ZNF469: variants seen among roughly 807,000 people sequenced by gnomAD.
ZNF469 encodes the protein zinc finger protein 469.
ZNF469 carries 1 observed loss-of-function variant against 1.0 expected under a neutral mutation model. The ratio of observed to expected loss-of-function variants is 1.00; its 90% CI spans 0.35 to 4.73. The LOEUF (loss-of-function observed/expected upper bound fraction) is 4.73. Ranked by LOEUF, ZNF469 falls within the 30% of genes most tolerant of loss-of-function variation. ZNF469 has a pLI of 0.16. For synonymous variants in ZNF469, 2,703 were observed against 2,363.4 expected (o/e 1.14, Z -4.17); for missense variants, 6,100 against 5,356.3 (o/e 1.14, Z -4.33).
the ZNF469 span, among the ~76,000 whole-genome samples, chr16:88,215,383 ATTTT>A: frequency 1.7e-4 from 16 of 94,188 alleles, no homozygotes; most frequent in Admixed American, 3.1e-4. Flanking sequence ...TTGCCTTTTA[ATTTT>A]TTTTTTTTTT....
the ZNF469 span, among the ~76,000 whole-genome samples, chr16:88,108,947 T>C: frequency 6.6e-5 from 10 of 152,300 alleles, no homozygotes; most frequent in South Asian, 1.9e-3. Flanking sequence ...TGAGTGAGCC[T>C]GTGCCACAGC....
At chr16:88,321,311 C>T in the ZNF469 span, among the ~76,000 whole-genome samples, 24 of 152,278 alleles carry the variant, frequency 1.6e-4, no homozygotes, top group Non-Finnish European at 3.4e-4. Context: ...TCCACCATCC[C>T]AGGGAAACCT....
At position 88,431,638 on chromosome 16, in the gene ZNF469, C is replaced by A. The variant is rs1428096122; in HGVS notation, c.4168C>A (p.Leu1390Met). ...TGAGTTGTTCCTCGGACCCAAAGAC[C>A]TGGCTGGCTGTTTCCTGGAAGAACT... ...HSELFLGPKD[L>M]AGCFLEELHP... The change falls in exon 3 of 3, where the codon CTG (leucine) becomes ATG (methionine). Residue 1390 changes from leucine to methionine, a missense_variant. Leu to Met is a conservative substitution (Grantham distance 15). Coordinates refer to ENST00000565624, the MANE Select transcript of ZNF469 (RefSeq NM_001367624.2). The A allele has an allele frequency of 1.9e-6, 3 of 1,550,490 alleles. No individual in the cohort carries two copies. The highest frequency in any genetic ancestry group is 2.6e-6 in the Non-Finnish European group (3 of 1,146,990).
the ZNF469 span, among the ~76,000 whole-genome samples, chr16:88,281,846 G>A: frequency 6.6e-6 from 1 of 152,138 alleles, no homozygotes; most frequent in South Asian, 2.1e-4. Context: ...CTGACGCTTG[G>A]TCAGTACTGT....
chr16:88,377,515 G>A, the ZNF469 span, among the ~76,000 whole-genome samples: 3 of 152,230 alleles, frequency 2.0e-5, no homozygotes, highest in African/African-American at 7.2e-5. Flanking sequence ...TTCAGATGAT[G>A]GGGCAGAAAC....
the ZNF469 span, among the ~76,000 whole-genome samples, chr16:88,239,858 C>G: frequency 1.3e-5 from 2 of 149,208 alleles, no homozygotes; most frequent in African/African-American, 2.5e-5. Context: ...CCATGCCTGG[C>G]TAACAATCAC....
chr16:88,174,012 T>G, the ZNF469 span, among the ~76,000 whole-genome samples: 1 of 152,126 alleles, frequency 6.6e-6, no homozygotes, highest in Non-Finnish European at 1.5e-5. Context: ...ATAATTACAT[T>G]AAATGTAAAT....
the ZNF469 span, among the ~76,000 whole-genome samples, chr16:88,273,381 G>A: frequency 1.3e-5 from 2 of 151,768 alleles, no homozygotes; most frequent in Non-Finnish European, 2.9e-5. Flanking sequence ...ACAAAGTCGT[G>A]CACATGAAAA....
At chr16:88,164,114 T>C in the ZNF469 span, among the ~76,000 whole-genome samples, 2 of 136,356 alleles carry the variant, frequency 1.5e-5, no homozygotes, top group South Asian at 2.3e-4. Context: ...GGATGAATAG[T>C]TGGGTAGACG....
the ZNF469 span, among the ~76,000 whole-genome samples, chr16:88,330,958 T>C: frequency 6.6e-6 from 1 of 152,116 alleles, no homozygotes; most frequent in Non-Finnish European, 1.5e-5. Context: ...TGCATCATCA[T>C]TGTCATAGTC....
chr16:88,404,954 G>A (rs1904986074), intron 1 of ZNF469, among the ~76,000 whole-genome samples: 1 of 152,194 alleles, frequency 6.6e-6, no homozygotes, highest in Admixed American at 6.5e-5. Context: ...ACATAACCAG[G>A]CTGTGCAGGG....
the ZNF469 span, among the ~76,000 whole-genome samples, chr16:88,374,473 A>G: frequency 6.0e-3 from 909 of 152,328 alleles, 10 homozygotes; most frequent in African/African-American, 0.02. Flanking sequence ...GACCAGGAAC[A>G]TAGCTGGGGG....
At position 88,432,056 on chromosome 16, in the gene ZNF469, C is replaced by A. The variant is rs747460229; in HGVS notation, c.4586C>A (p.Pro1529His). The A allele has an allele frequency of 3.9e-6, 6 of 1,550,534 alleles. No individual in the cohort carries two copies. In the Middle Eastern group the frequency reaches 5.0e-4, roughly 129 times the overall value. ...GGAAAGGTGCTCAGTAAGACGTGTC[C>A]CCCTGAACGGACAGTGGTTCCCGGC... is the stretch of plus-strand genomic sequence containing the variant. ...SGGKVLSKTCPPERTVVPGAA... is the reference protein window; with the variant it reads ...SGGKVLSKTCHPERTVVPGAA... The change falls in exon 3 of 3, where the codon CCC becomes CAC. Residue 1529 changes from proline (P) to histidine (H), a missense_variant. Coordinates refer to ENST00000565624, the MANE Select transcript of ZNF469 (RefSeq NM_001367624.2).
At chr16:88,236,834 A>C in the ZNF469 span, among the ~76,000 whole-genome samples, 3 of 151,076 alleles carry the variant, frequency 2.0e-5, no homozygotes, top group Admixed American at 2.0e-4. Context: ...GCCACTGCAG[A>C]CACAGCGAGA....
the ZNF469 span, among the ~76,000 whole-genome samples, chr16:88,337,505 C>G: frequency 5.9e-5 from 9 of 152,204 alleles, no homozygotes; most frequent in Non-Finnish European, 2.9e-5. Flanking sequence ...ATACAACACC[C>G]AAGTGTTTGC....
chr16:88,288,081 T>C, the ZNF469 span, among the ~76,000 whole-genome samples: 1 of 152,292 alleles, frequency 6.6e-6, no homozygotes, highest in African/African-American at 2.4e-5. Context: ...GAGAAACCTT[T>C]TTCCTCCTGC....
chr16:88,136,030 A>G, the ZNF469 span, among the ~76,000 whole-genome samples: 4 of 151,948 alleles, frequency 2.6e-5, no homozygotes, highest in African/African-American at 9.7e-5. Flanking sequence ...AAGTGCTGGG[A>G]TTACAGGCGT....
At chr16:88,326,711 C>A in the ZNF469 span, among the ~76,000 whole-genome samples, 1 of 152,130 alleles carries the variant, frequency 6.6e-6, no homozygotes, top group Admixed American at 6.5e-5. Context: ...CTCATGGGAC[C>A]CCCGCTGTGA....
the ZNF469 span, among the ~76,000 whole-genome samples, chr16:88,361,698 C>CT: frequency 3.3e-4 from 48 of 147,684 alleles, no homozygotes; most frequent in South Asian, 8.7e-4. Context: ...GCACTGGTTT[C>CT]TTTTTTTTTT....
Sources: allele counts gnomAD v4.1 joint callset (sites outside exome capture counted in the v4.1 genomes callset), GRCh38; gene constraint gnomAD v4.1.1; transcripts MANE v1.5; gene names NCBI Gene and HGNC (gene_info 2026-07-23, HGNC 2026-07-21).